COL27A1: variants seen among roughly 807,000 people sequenced by gnomAD.
COL27A1 encodes the protein collagen alpha-1(XXVII) chain.
Under a neutral mutation model 251.3 loss-of-function variants are expected in COL27A1, and 106 were observed. The ratio of observed to expected loss-of-function variants is 0.42; its 90% confidence interval spans 0.36 to 0.50. COL27A1 has a LOEUF of 0.50. Ranked by LOEUF, COL27A1 falls within the 20% of genes least tolerant of loss-of-function variation. COL27A1 has a pLI of 0.00. For missense variants in COL27A1, 2,325 were observed against 2,522.8 expected, an observed-to-expected ratio of 0.92 and a Z score of 1.68; for synonymous variants, 1,000 against 986.3, an observed-to-expected ratio of 1.01 and a Z score of -0.26.
At chr9:114,241,053 A>G (rs1305404287) in intron 21 of COL27A1, among the ~76,000 whole-genome samples, 4 of 152,226 alleles carry the variant, frequency 2.6e-5, no homozygotes, top group African/African-American at 9.6e-5. Context: ...GAATATTACA[A>G]TGACTTGCAC....
chr9:114,278,478 G>A (rs989734463), intron 37 of COL27A1, among the ~76,000 whole-genome samples: 1 of 146,442 alleles, frequency 6.8e-6, no homozygotes, highest in Non-Finnish European at 1.5e-5. Flanking sequence ...TGATGGTGGT[G>A]GTGATAATGG....
chr9:114,206,053 A>C (rs1829935831), intron 9 of COL27A1, among the ~76,000 whole-genome samples, 199 bp from the exon 10 acceptor site: 1 of 152,082 alleles, frequency 6.6e-6, no homozygotes, highest in African/African-American at 2.4e-5. Context: ...GGCTCCTCCT[A>C]CTCAGTCTCC....
chr9:114,197,605 A>T (rs905677686), intron 7 of COL27A1, among the ~76,000 whole-genome samples: 1 of 152,068 alleles, frequency 6.6e-6, no homozygotes, highest in African/African-American at 2.4e-5. Context: ...GGAGATGGGG[A>T]AACCAGACTG....
intron 1 of COL27A1, among the ~76,000 whole-genome samples, chr9:114,159,948 C>G (rs1288697237): frequency 6.6e-6 from 1 of 152,224 alleles, no homozygotes; most frequent in Non-Finnish European, 1.5e-5. Flanking sequence ...GCCCTTCTCC[C>G]CAGGCAACCC....
intron 2 of COL27A1, among the ~76,000 whole-genome samples, chr9:114,163,150 C>T (rs1246487025): frequency 6.6e-6 from 1 of 152,102 alleles, no homozygotes; most frequent in Non-Finnish European, 1.5e-5. Context: ...AGGAGAATCG[C>T]TTCAACCCAG....
intron 3 of COL27A1, among the ~76,000 whole-genome samples, chr9:114,171,384 A>C (rs1849310129): frequency 6.6e-6 from 1 of 152,158 alleles, no homozygotes; most frequent in Non-Finnish European, 1.5e-5. Flanking sequence ...TCTGGGACTC[A>C]GATCTGGGGG....
chr9:114,163,309 T>C (rs145098091), intron 2 of COL27A1, among the ~76,000 whole-genome samples: 5 of 152,216 alleles, frequency 3.3e-5, no homozygotes, highest in Admixed American at 6.5e-5. Flanking sequence ...GAAGGGTGAT[T>C]CTTGTGTTCC....
At chr9:114,259,889 C>T (rs1834193549) in intron 28 of COL27A1, among the ~76,000 whole-genome samples, 1 of 152,086 alleles carries the variant, frequency 6.6e-6, no homozygotes, top group Admixed American at 6.5e-5. Context: ...AGTGGTTTTA[C>T]AATTTCCCCC....
At chr9:114,306,741 C>A in intron 58 of COL27A1, 53 bp downstream of exon 58, 1 of 1,584,916 alleles carries the variant, frequency 6.3e-7, no homozygotes, top group African/African-American at 1.4e-5. Context: ...GGAGCTGGGG[C>A]AGGTGGAGTA....
chr9:114,248,079 C>T (rs1833266284), intron 24 of COL27A1, among the ~76,000 whole-genome samples: 2 of 152,224 alleles, frequency 1.3e-5, no homozygotes, highest in South Asian at 4.1e-4. Context: ...AGTAACTTGT[C>T]CGAGATCTCA....
intron 16 of COL27A1, among the ~76,000 whole-genome samples, chr9:114,234,212 TAAAAAAA>T (rs11415885): frequency 1.5e-4 from 13 of 89,366 alleles, no homozygotes; most frequent in African/African-American, 6.1e-4. Context: ...TCTTGGACAT[TAAAAAAA>T]AAAAAAAAAA....
At position 114,178,409 on chromosome 9, in the gene COL27A1, T is replaced by C. The variant is rs986653729; in HGVS notation, c.1962+65T>C. The C allele has an allele frequency of 1.4e-5, 20 of 1,447,706 alleles. No individual in the cohort carries two copies. The African/African-American group carries it at 2.5e-4, about 18-fold the overall frequency. 89.7% of individuals were successfully genotyped at this position (1,447,706 alleles called of 1,614,324 possible). On this transcript the variant is annotated intron_variant, in intron 4 of 60. Coordinates refer to ENST00000356083, the MANE Select transcript of COL27A1 (RefSeq NM_032888.4). ...TCTTTGGCCTGCGTCTCACTGCCCC[T>C]GAGGTCTCGGGTTTGCTGTGTGTCC...
Position 114,235,653 on chromosome 9 carries a change from G to T in COL27A1, c.2619+1G>T. On this transcript the variant is annotated splice_donor_variant, in intron 17 of 60. Coordinates refer to ENST00000356083, the MANE Select transcript of COL27A1 (RefSeq NM_032888.4). LOFTEE classifies it high-confidence loss of function. ...AGATCCCGGATTCCAAGGAGACAAG[G>T]TAATTGCATGAGATTTTCCCCTCCC... 6.2e-7 allele frequency: 1 copy of T among 1,612,094 alleles called. No individual in the cohort carries two copies. Among genetic ancestry groups the T allele is most frequent in the Non-Finnish European group, 8.5e-7 (1 of 1,178,240 alleles).
At chr9:114,289,930 C>G (rs1827789275) in intron 45 of COL27A1, 128 bp from the exon 46 acceptor site, 3 of 1,084,094 alleles carry the variant, frequency 2.8e-6, no homozygotes, top group South Asian at 2.6e-5. Flanking sequence ...GGCCAGAGTG[C>G]TTGGGTACAT....
intron 33 of COL27A1, among the ~76,000 whole-genome samples, chr9:114,267,119 C>T (rs986795126): frequency 6.6e-6 from 1 of 152,226 alleles, no homozygotes; most frequent in Non-Finnish European, 1.5e-5. Flanking sequence ...CCGCCTCACG[C>T]TGGCTAAGCT....
At chr9:114,156,714 C>T (rs933352532) in intron 1 of COL27A1, among the ~76,000 whole-genome samples, 2 of 152,068 alleles carry the variant, frequency 1.3e-5, no homozygotes, top group African/African-American at 2.4e-5. Context: ...GAGACAGGGC[C>T]GGAGAGGGGC....
At chr9:114,160,155 AT>A (rs3034121) in intron 1 of COL27A1, among the ~76,000 whole-genome samples, 22,575 of 142,162 alleles carry the variant, frequency 0.16, 1,834 homozygotes, top group East Asian at 0.41. Flanking sequence ...TTTAAAGTCT[AT>A]TTTTTTTTTT....
chr9:114,158,500 C>T (rs1237586150), intron 1 of COL27A1, among the ~76,000 whole-genome samples: 2 of 152,196 alleles, frequency 1.3e-5, no homozygotes, highest in East Asian at 1.9e-4. Flanking sequence ...TGTTTCCTCG[C>T]GGCTCCCGTT....
chr9:114,205,245 C>G, intron 8 of COL27A1, 99 bp downstream of exon 8: 1 of 1,158,450 alleles, frequency 8.6e-7, no homozygotes, highest in East Asian at 2.5e-5. Flanking sequence ...GTGAGCCAGC[C>G]CCAGAGCCAG....
Sources: gnomAD v4.1 joint callset for allele counts (sites outside exome capture counted in the v4.1 genomes callset) on GRCh38, gnomAD v4.1.1 for gene constraint, MANE v1.5 for transcripts, NCBI Gene and HGNC (gene_info 2026-07-23, HGNC 2026-07-21) for gene names.